Variants in BCAS4 observed in about 807,000 individuals in gnomAD.
BCAS4 encodes breast carcinoma amplified sequence 4.
In BCAS4, 9 loss-of-function variants were observed where a neutral mutation model predicts 15.7. The ratio of observed to expected loss-of-function variants is 0.57; its 90% CI spans 0.34 to 1.00. The LOEUF is 1.00. BCAS4 is among the 50% of genes least tolerant of loss of function. BCAS4 has a pLI of 0.02. For missense variants in BCAS4, 225 were observed against 239.1 expected, an observed-to-expected ratio of 0.94 and a Z score of 0.39; for synonymous variants, 101 against 99.5, an observed-to-expected ratio of 1.02 and a Z score of -0.09.
intron 1 of BCAS4, among the ~76,000 whole-genome samples, chr20:50,805,234 C>T (rs79914561): frequency 0.028 from 4,207 of 152,166 alleles, 67 homozygotes; most frequent in Middle Eastern, 0.037. Flanking sequence ...AACACTGCAC[C>T]CGTTATCTGT....
At chr20:50,859,530 G>C (rs1264158057) in intron 4 of BCAS4, among the ~76,000 whole-genome samples, 1 of 131,918 alleles carries the variant, frequency 7.6e-6, no homozygotes. Context: ...CAGGTGGCTG[G>C]TGCTCTGGGG....
intron 1 of BCAS4, among the ~76,000 whole-genome samples, chr20:50,800,804 C>T (rs995311353): frequency 2.0e-5 from 3 of 152,108 alleles, no homozygotes; most frequent in Admixed American, 2.0e-4. Flanking sequence ...TCAGGTGATC[C>T]ACCTGCCTCG....
intron 4 of BCAS4, among the ~76,000 whole-genome samples, chr20:50,862,758 AGGCCTGGCAGG>A (rs1454467272): frequency 4.0e-5 from 6 of 151,282 alleles, no homozygotes; most frequent in African/African-American, 1.5e-4. Flanking sequence ...GAATTTCTCC[AGGCCTGGCAGG>A]GGCCTGGAGG....
intron 1 of BCAS4, among the ~76,000 whole-genome samples, chr20:50,810,993 A>C (rs2088055298): frequency 1.3e-5 from 2 of 152,260 alleles, no homozygotes; most frequent in South Asian, 4.1e-4. Context: ...GGAAAGCCTC[A>C]CCTGGAAGAA....
At chr20:50,871,545 T>C (rs1477043808) in intron 4 of BCAS4, among the ~76,000 whole-genome samples, 2 of 152,214 alleles carry the variant, frequency 1.3e-5, no homozygotes, top group Non-Finnish European at 2.9e-5. Flanking sequence ...CAAGCAACCC[T>C]GGTCAGTGTG....
At chr20:50,850,500 C>G (rs564208468) in intron 4 of BCAS4, among the ~76,000 whole-genome samples, 2 of 152,202 alleles carry the variant, frequency 1.3e-5, no homozygotes, top group Non-Finnish European at 2.9e-5. Context: ...ACTTGCTCTT[C>G]GGCCAGCGTG....
chr20:50,857,543 A>G (rs867889433), intron 4 of BCAS4, among the ~76,000 whole-genome samples: 9 of 152,336 alleles, frequency 5.9e-5, no homozygotes, highest in South Asian at 4.1e-4. Context: ...GAGGTTAGTA[A>G]CTTGGCCAAG....
At chr20:50,865,416 G>C (rs1401766296) in intron 4 of BCAS4, among the ~76,000 whole-genome samples, 1 of 152,178 alleles carries the variant, frequency 6.6e-6, no homozygotes, top group Non-Finnish European at 1.5e-5. Flanking sequence ...CCCACCTGCT[G>C]TCCCTGTGTG....
At chr20:50,802,253 G>C (rs979800108) in intron 1 of BCAS4, among the ~76,000 whole-genome samples, 1 of 152,142 alleles carries the variant, frequency 6.6e-6, no homozygotes, top group African/African-American at 2.4e-5. Flanking sequence ...AGAATGTACT[G>C]GGGGGACCGC....
chr20:50,805,257 C>T (rs1240528608), intron 1 of BCAS4, among the ~76,000 whole-genome samples: 1 of 152,142 alleles, frequency 6.6e-6, no homozygotes, highest in Non-Finnish European at 1.5e-5. Context: ...TTCCCCAACC[C>T]CCACCACGAA....
intron 2 of BCAS4, among the ~76,000 whole-genome samples, chr20:50,823,502 A>G (rs537698709): frequency 8.5e-5 from 13 of 152,286 alleles, no homozygotes; most frequent in African/African-American, 2.9e-4. Context: ...AGCAACATAG[A>G]TGATCTCACA....
At chr20:50,821,133 C>T (rs960551379) in intron 2 of BCAS4, among the ~76,000 whole-genome samples, 1 of 152,214 alleles carries the variant, frequency 6.6e-6, no homozygotes, top group African/African-American at 2.4e-5. Context: ...CTTCCTGACT[C>T]CACAGCCGCC....
Position 50,810,630 on chromosome 20 carries a change from G to A in BCAS4, c.91-7581G>A, listed in dbSNP as rs571403374. ...TGAGACGGAGTCGTCTCGCTCTGTC[G>A]CCCAGGCTGGAGTGCAGTGGCGCGA... On this transcript the variant is annotated intron_variant, in intron 1 of 4. Coordinates refer to ENST00000371608, the MANE Select transcript of BCAS4 (RefSeq NM_198799.4). Among the ~76,000 whole-genome samples the A allele has an allele frequency of 6.7e-4, 97 of 145,788 alleles. No individual in the cohort carries two copies. In the Middle Eastern group the frequency reaches 0.011, roughly 16 times the overall value.
chr20:50,825,507 A>T (rs1425964394), intron 2 of BCAS4, among the ~76,000 whole-genome samples: 2 of 152,232 alleles, frequency 1.3e-5, no homozygotes, highest in Non-Finnish European at 2.9e-5. Flanking sequence ...CTCTGGGCAG[A>T]TATAAACAGT....
chr20:50,869,438 G>A (rs1979523339), intron 4 of BCAS4, among the ~76,000 whole-genome samples: 1 of 152,168 alleles, frequency 6.6e-6, no homozygotes, highest in Non-Finnish European at 1.5e-5. Context: ...CCCCTTTTGG[G>A]GTGGAGGATG....
At position 50,814,840 on chromosome 20, in the gene BCAS4, G is replaced by A. The variant is rs112029222; in HGVS notation, c.91-3371G>A. Among the ~76,000 whole-genome samples, 1,220 of 152,290 alleles carry A rather than the reference G, an allele frequency of 8.0e-3. 14 individuals carry two copies. The highest frequency in any genetic ancestry group is 0.028 in the African/African-American group (1,176 of 41,568). ...CGAAAGAGATTGGGTGGGTGCAGTG[G>A]CTCATGCCTATAATATCAGCACTTT... is the stretch of plus-strand genomic sequence containing the variant. On this transcript the variant is annotated intron_variant, in intron 1 of 4. Coordinates refer to ENST00000371608, the MANE Select transcript of BCAS4 (RefSeq NM_198799.4).
At chr20:50,810,523 G>T in intron 1 of BCAS4, among the ~76,000 whole-genome samples, 1 of 151,974 alleles carries the variant, frequency 6.6e-6, no homozygotes, top group East Asian at 1.9e-4. Context: ...GTCCTCCGGA[G>T]GTTTCATTCT....
chr20:50,831,465 G>A (rs769075119), intron 3 of BCAS4, among the ~76,000 whole-genome samples: 20 of 152,062 alleles, frequency 1.3e-4, no homozygotes, highest in Admixed American at 2.0e-4. Context: ...TCAGAAGGGC[G>A]TGGGCTCTCC....
chr20:50,834,071 G>A (rs990597547), intron 3 of BCAS4, among the ~76,000 whole-genome samples: 1 of 152,124 alleles, frequency 6.6e-6, no homozygotes, highest in Non-Finnish European at 1.5e-5. Flanking sequence ...GGAATGAGAC[G>A]GAGTGAGGGG....
Sources: allele counts gnomAD v4.1 joint callset (sites outside exome capture counted in the v4.1 genomes callset), GRCh38; gene constraint gnomAD v4.1.1; transcripts MANE v1.5; gene names NCBI Gene and HGNC (gene_info 2026-07-23, HGNC 2026-07-21).